Variants in CAST observed in about 807,000 individuals in gnomAD.
The protein encoded by CAST is MIR583 host.
In CAST, 76 loss-of-function variants were observed where a neutral mutation model predicts 119.6. The ratio of observed to expected loss-of-function variants is 0.64; its 90% CI spans 0.53 to 0.77. The LOEUF (loss-of-function observed/expected upper bound fraction) is 0.77. CAST is among the 30% of genes least tolerant of loss of function. The pLI is 0.00. For missense variants in CAST, 953 were observed against 946.5 expected (o/e 1.01, Z -0.09); for synonymous variants, 319 against 331.6 (o/e 0.96, Z 0.41).
chr5:96,135,836 A>C, the CAST span, among the ~76,000 whole-genome samples: 1 of 152,142 alleles, frequency 6.6e-6, no homozygotes, highest in Non-Finnish European at 1.5e-5. Context: ...AGGTGGGCAG[A>C]TCATGAGGTC....
chr5:96,721,447 T>TG (rs1254781982), intron 3 of CAST, among the ~76,000 whole-genome samples: 1 of 151,926 alleles, frequency 6.6e-6, no homozygotes, highest in East Asian at 1.9e-4. Flanking sequence ...GGTAGTGTAT[T>TG]GGGGGTGGGG....
chr5:96,207,951 T>G, the CAST span, among the ~76,000 whole-genome samples: 329 of 152,144 alleles, frequency 2.2e-3, 2 homozygotes, highest in Non-Finnish European at 2.8e-3. Flanking sequence ...GTTAGGCTTT[T>G]TATTAGGGAT....
At chr5:96,655,699 A>G (rs1008170048) in intron 1 of CAST, among the ~76,000 whole-genome samples, 2 of 152,258 alleles carry the variant, frequency 1.3e-5, no homozygotes, top group Non-Finnish European at 2.9e-5. Flanking sequence ...TGTTTTTCAA[A>G]CTGTGGGCAC....
At chr5:96,694,302 C>T (rs963447525) in intron 2 of CAST, among the ~76,000 whole-genome samples, 6 of 152,126 alleles carry the variant, frequency 3.9e-5, no homozygotes, top group Admixed American at 6.6e-5. Flanking sequence ...ACATTATTCA[C>T]ACTTTATTGA....
At chr5:96,307,787 T>C in the CAST span, among the ~76,000 whole-genome samples, 2 of 152,244 alleles carry the variant, frequency 1.3e-5, no homozygotes, top group African/African-American at 4.8e-5. Context: ...GCCCCTACTC[T>C]ATTCTGGCTT....
chr5:95,989,714 A>G, the CAST span, among the ~76,000 whole-genome samples: 1 of 152,180 alleles, frequency 6.6e-6, no homozygotes, highest in Non-Finnish European at 1.5e-5. Flanking sequence ...GACTTTAGGA[A>G]AAATTGTTTG....
the CAST span, among the ~76,000 whole-genome samples, chr5:96,472,290 C>T: frequency 0.71 from 107,377 of 152,024 alleles, 38,475 homozygotes; most frequent in African/African-American, 0.81. Flanking sequence ...ATGGCAAATA[C>T]ATGGTAAGAT....
chr5:96,061,353 T>C, the CAST span, among the ~76,000 whole-genome samples: 5 of 152,128 alleles, frequency 3.3e-5, no homozygotes, highest in Non-Finnish European at 5.9e-5. Context: ...AGTTAAATTC[T>C]AGTGATCCCA....
the CAST span, among the ~76,000 whole-genome samples, chr5:96,249,101 A>T: frequency 6.6e-6 from 1 of 152,208 alleles, no homozygotes; most frequent in East Asian, 1.9e-4. Flanking sequence ...ATTATTCCAG[A>T]TTTGTATGTC....
At chr5:96,516,858 C>T in the CAST span, among the ~76,000 whole-genome samples, 2 of 152,212 alleles carry the variant, frequency 1.3e-5, no homozygotes, top group African/African-American at 4.8e-5. Context: ...CCCAGCTCTA[C>T]TTTTTAGACT....
the CAST span, among the ~76,000 whole-genome samples, chr5:96,080,241 A>C: frequency 4.6e-5 from 7 of 152,222 alleles, no homozygotes; most frequent in African/African-American, 7.2e-5. Context: ...GAAGTACATC[A>C]TGCTGATATC....
At chr5:96,664,415 G>GCA (rs1197375195) in intron 1 of CAST, among the ~76,000 whole-genome samples, 292 of 145,172 alleles carry the variant, frequency 2.0e-3, no homozygotes, top group African/African-American at 6.0e-3. Context: ...ATATATATAT[G>GCA]CACACACACA....
chr5:96,361,766 G>T, the CAST span, among the ~76,000 whole-genome samples: 2,605 of 88,702 alleles, frequency 0.029, 71 homozygotes, highest in African/African-American at 0.11. Context: ...TGACAGGAGC[G>T]ATTTGTCTTC....
chr5:96,021,856 G>A, the CAST span, among the ~76,000 whole-genome samples: 1 of 152,172 alleles, frequency 6.6e-6, no homozygotes, highest in South Asian at 2.1e-4. Context: ...ATTAACTTAA[G>A]TGATCGGATT....
chr5:96,646,701 C>T (rs1580857309), intron 1 of CAST, among the ~76,000 whole-genome samples: 1 of 152,304 alleles, frequency 6.6e-6, no homozygotes, highest in South Asian at 2.1e-4. Context: ...ATTTGCCTCT[C>T]ATCATCGATT....
chr5:96,686,596 T>A (rs578127889), intron 2 of CAST, among the ~76,000 whole-genome samples: 2 of 152,168 alleles, frequency 1.3e-5, no homozygotes, highest in South Asian at 4.2e-4. Flanking sequence ...TTCCAAGCTG[T>A]TTTTGTGGAG....
At chr5:96,607,570 A>G (rs1208788404) in intron 1 of CAST, among the ~76,000 whole-genome samples, 1 of 150,428 alleles carries the variant, frequency 6.6e-6, no homozygotes, top group Non-Finnish European at 1.5e-5. Context: ...TTAATATGAT[A>G]TAACTACCTC....
the CAST span, among the ~76,000 whole-genome samples, chr5:96,449,481 G>T: frequency 7.9e-5 from 12 of 152,112 alleles, no homozygotes; most frequent in African/African-American, 2.9e-4. Flanking sequence ...CACCATCCAT[G>T]GAAAAATTGT....
rs1344023930 is a variant in CAST, at chr5:96,675,855, C to G, written c.138+254C>G. 6 of 364,104 alleles carry G rather than the reference C, an allele frequency of 1.6e-5. No homozygotes were observed. In the Admixed American group the frequency reaches 2.6e-4, roughly 16 times the overall value. 22.6% of individuals were successfully genotyped at this position (364,104 alleles called of 1,614,324 possible). On this transcript the variant is annotated intron_variant, in intron 2 of 31. Coordinates refer to ENST00000675179, the MANE Select transcript of CAST (RefSeq NM_001750.7). ...AACTTTGTTGCTTAGGGTGTTTTCC[C>G]TATAGGAACTGGTGAATCCAAATTG... is the stretch of plus-strand genomic sequence containing the variant.
Sources: allele counts gnomAD v4.1 joint callset (sites outside exome capture counted in the v4.1 genomes callset), GRCh38; gene constraint gnomAD v4.1.1; transcripts MANE v1.5; gene names NCBI Gene and HGNC (gene_info 2026-07-23, HGNC 2026-07-21).